EXOC6B: variants seen among roughly 807,000 people sequenced by gnomAD.
EXOC6B encodes the protein exocyst complex component 6B, also known as SEC15 homolog B.
Under a neutral mutation model 113.5 loss-of-function variants are expected in EXOC6B, and 54 were observed. That is an observed-to-expected ratio of 0.48 (90% CI 0.38 to 0.60). EXOC6B has a LOEUF of 0.60. Among genes scored for constraint, EXOC6B ranks in the 20% least tolerant of loss-of-function variants. The pLI is 0.00. For synonymous variants in EXOC6B, 357 were observed against 339.0 expected (o/e 1.05, Z -0.58); for missense variants, 797 against 977.5 (o/e 0.82, Z 2.46).
chr2:72,527,782 GAGTATC>G (rs1254183711), intron 8 of EXOC6B, among the ~76,000 whole-genome samples: 6 of 151,892 alleles, frequency 4.0e-5, no homozygotes, highest in African/African-American at 1.4e-4. Context: ...TAAGGATGTT[GAGTATC>G]TTCTCATGTG....
At chr2:72,333,970 G>A (rs1688548160) in intron 20 of EXOC6B, among the ~76,000 whole-genome samples, 1 of 151,670 alleles carries the variant, frequency 6.6e-6, no homozygotes, top group African/African-American at 2.4e-5. Flanking sequence ...AAATACCCTG[G>A]GCATCTAAAA....
chr2:72,532,404 C>A (rs1234291832), intron 8 of EXOC6B, among the ~76,000 whole-genome samples: 1 of 152,060 alleles, frequency 6.6e-6, no homozygotes, highest in African/African-American at 2.4e-5. Context: ...CTAAGGAATG[C>A]AAAGTTTTGA....
chr2:72,679,555 T>C (rs536660827), intron 6 of EXOC6B, among the ~76,000 whole-genome samples: 3 of 152,216 alleles, frequency 2.0e-5, no homozygotes, highest in Non-Finnish European at 4.4e-5. Flanking sequence ...GAAGGAAGTT[T>C]GGCAGAAAGA....
At chr2:72,429,805 C>G (rs1454245520) in intron 18 of EXOC6B, among the ~76,000 whole-genome samples, 1 of 152,184 alleles carries the variant, frequency 6.6e-6, no homozygotes, top group Non-Finnish European at 1.5e-5. Context: ...TCCATCCCAA[C>G]ATGTCAATGG....
chr2:72,815,552 C>T (rs1192180639), intron 1 of EXOC6B, among the ~76,000 whole-genome samples: 1 of 149,666 alleles, frequency 6.7e-6, no homozygotes, highest in Non-Finnish European at 1.5e-5. Flanking sequence ...AAAAGACATA[C>T]ACAAAAGCCC....
chr2:72,402,932 T>C (rs1281516199), intron 18 of EXOC6B, among the ~76,000 whole-genome samples: 1 of 152,196 alleles, frequency 6.6e-6, no homozygotes, highest in African/African-American at 2.4e-5. Flanking sequence ...GGAGATTTCC[T>C]TGAATAGCAG....
At chr2:72,644,630 T>C (rs557754269) in intron 6 of EXOC6B, among the ~76,000 whole-genome samples, 12 of 152,158 alleles carry the variant, frequency 7.9e-5, no homozygotes, top group Non-Finnish European at 1.3e-4. Flanking sequence ...TGGGGGCCAA[T>C]AGTCAGCATT....
intron 18 of EXOC6B, among the ~76,000 whole-genome samples, chr2:72,393,971 T>A (rs1692556930): frequency 6.6e-6 from 1 of 152,170 alleles, no homozygotes; most frequent in African/African-American, 2.4e-5. Context: ...TAAAAACCAA[T>A]ATACACTTTA....
At chr2:72,699,675 T>C (rs1678165105) in intron 6 of EXOC6B, among the ~76,000 whole-genome samples, 1 of 151,994 alleles carries the variant, frequency 6.6e-6, no homozygotes, top group Admixed American at 6.6e-5. Context: ...AAAGGAAAGG[T>C]ACAAATTAAT....
intron 18 of EXOC6B, among the ~76,000 whole-genome samples, chr2:72,388,143 CA>C (rs1692163137): frequency 6.6e-6 from 1 of 152,120 alleles, no homozygotes; most frequent in East Asian, 1.9e-4. Flanking sequence ...ACACCCTGGA[CA>C]GTCAAACACA....
intron 20 of EXOC6B, among the ~76,000 whole-genome samples, chr2:72,185,761 AC>A (rs1678386579): frequency 7.5e-6 from 1 of 132,602 alleles, no homozygotes; most frequent in Admixed American, 7.3e-5. Flanking sequence ...TTTTAATTAT[AC>A]TTTAAGTTCT....
intron 20 of EXOC6B, among the ~76,000 whole-genome samples, chr2:72,187,578 G>A (rs535390691): frequency 1.3e-5 from 2 of 152,236 alleles, no homozygotes; most frequent in Non-Finnish European, 2.9e-5. Context: ...CTGCAGGCAG[G>A]TTGTCTCGAT....
rs139411473 is a variant in EXOC6B at position 72,249,399 on chromosome 2, C to T, written c.2197-65212G>A. 3.4e-3 allele frequency among the ~76,000 whole-genome samples: 512 copies of T among 151,820 alleles called. 6 individuals carry two copies. The highest frequency in any genetic ancestry group is 0.011 in the African/African-American group (471 of 41,434). ...CCTCCCGAGTAGCTGGGACTATAGG[C>T]GCCCGCCACTACACCCGGCTAATTT... On this transcript the variant is annotated intron_variant, in intron 20 of 21. Transcript: ENST00000272427.
intron 20 of EXOC6B, among the ~76,000 whole-genome samples, chr2:72,323,820 C>T (rs941462777): frequency 6.7e-6 from 1 of 150,170 alleles, no homozygotes; most frequent in Non-Finnish European, 1.5e-5. Flanking sequence ...GAACATCACA[C>T]ACCAGGGCCT....
At chr2:72,817,581 T>TC (rs895674296) in intron 1 of EXOC6B, among the ~76,000 whole-genome samples, 2 of 151,392 alleles carry the variant, frequency 1.3e-5, no homozygotes, top group African/African-American at 4.9e-5. Flanking sequence ...CAAAATCCCT[T>TC]CCCCCCTTGA....
chr2:72,294,065 C>G (rs749717831), intron 20 of EXOC6B, among the ~76,000 whole-genome samples: 3 of 147,250 alleles, frequency 2.0e-5, no homozygotes, highest in Non-Finnish European at 4.5e-5. Context: ...ATAAGGGAGA[C>G]AGTGGAACCA....
At chr2:72,456,736 C>T (rs1162748878) in intron 18 of EXOC6B, among the ~76,000 whole-genome samples, 1 of 152,002 alleles carries the variant, frequency 6.6e-6, no homozygotes, top group African/African-American at 2.4e-5. Context: ...TGACATATAA[C>T]ACATGTAAAG....
Position 72,541,590 on chromosome 2 carries a change from T to A in EXOC6B, c.915+17863A>T, listed in dbSNP as rs535829595. ...TAAATGTGGATGGGTTATGGAAATGTACAGGTTTTCTTGCTTATCTGTGGA... is the reference window on the plus strand; with the variant it reads ...TAAATGTGGATGGGTTATGGAAATGAACAGGTTTTCTTGCTTATCTGTGGA... On this transcript the variant is annotated intron_variant, in intron 8 of 21. Transcript: ENST00000272427. Among the ~76,000 whole-genome samples the A allele has an allele frequency of 9.8e-5, 15 of 152,324 alleles. No homozygotes were observed. The South Asian group carries it at 3.1e-3, about 32-fold the overall frequency.
At chr2:72,622,246 CTT>C (rs1671793897) in intron 6 of EXOC6B, among the ~76,000 whole-genome samples, 1 of 149,590 alleles carries the variant, frequency 6.7e-6, no homozygotes, top group African/African-American at 2.4e-5. Flanking sequence ...AAAAAAAACT[CTT>C]CTCAGCCCCA....
Sources: allele counts gnomAD v4.1 joint callset (sites outside exome capture counted in the v4.1 genomes callset), GRCh38; gene constraint gnomAD v4.1.1; transcripts MANE v1.5; gene names NCBI Gene and HGNC (gene_info 2026-07-23, HGNC 2026-07-21).